PCGF3: variants seen among roughly 807,000 people sequenced by gnomAD.
PCGF3 encodes the protein polycomb group RING finger protein 3.
Under a neutral mutation model 33.1 loss-of-function variants are expected in PCGF3, and 7 were observed. That is an observed-to-expected ratio of 0.21 (90% CI 0.12 to 0.40). PCGF3 has a LOEUF of 0.40. PCGF3 is among the 10% of genes least tolerant of loss of function. The pLI is 1.00. For synonymous variants in PCGF3, 153 were observed against 121.3 expected (o/e 1.26, Z -1.72); for missense variants, 211 against 313.3 (o/e 0.67, Z 2.46).
At chr4:716,315 A>T (rs113568605) in intron 1 of PCGF3, among the ~76,000 whole-genome samples, 2 of 109,360 alleles carry the variant, frequency 1.8e-5, no homozygotes, top group African/African-American at 3.8e-5. Flanking sequence ...CGGTGCTGGG[A>T]CCCTGTGGAC....
At chr4:756,952 T>C (rs1257930127) in intron 8 of PCGF3, 2 of 152,212 alleles carry the variant, frequency 1.3e-5, no homozygotes, top group African/African-American at 4.8e-5. Flanking sequence ...TGTGCCATAA[T>C]AAAGCCTAAA....
intron 3 of PCGF3, among the ~76,000 whole-genome samples, chr4:733,379 C>T (rs546014681): frequency 1.3e-5 from 2 of 152,218 alleles, no homozygotes; most frequent in Non-Finnish European, 2.9e-5. Flanking sequence ...GCTTTATGGA[C>T]CCTCCTCAGT....
At chr4:730,879 C>G in intron 2 of PCGF3, 91 bp from the exon 3 acceptor site, 1 of 397,012 alleles carries the variant, frequency 2.5e-6, no homozygotes. Context: ...CTCGGTAGGG[C>G]TTGGTTGCAA....
chr4:739,794 T>C (rs545628087), intron 6 of PCGF3, among the ~76,000 whole-genome samples: 4 of 152,320 alleles, frequency 2.6e-5, no homozygotes, highest in Non-Finnish European at 5.9e-5. Flanking sequence ...CTCAGCACGC[T>C]CTTGTCCGGT....
chr4:717,976 G>A (rs1742926892), intron 1 of PCGF3, among the ~76,000 whole-genome samples: 1 of 152,210 alleles, frequency 6.6e-6, no homozygotes, highest in South Asian at 2.1e-4. Flanking sequence ...GAGGTCAGTG[G>A]GGCCTGGTGT....
At chr4:748,959 C>T (rs1744392645) in intron 8 of PCGF3, among the ~76,000 whole-genome samples, 1 of 152,048 alleles carries the variant, frequency 6.6e-6, no homozygotes, top group South Asian at 2.1e-4. Flanking sequence ...CTGCTGCTCC[C>T]CTTTACTCTG....
chr4:734,821 G>T (rs978227239), intron 4 of PCGF3, 110 bp from the exon 5 acceptor site: 2 of 1,476,178 alleles, frequency 1.4e-6, no homozygotes, highest in Non-Finnish European at 1.8e-6. Flanking sequence ...ACAGCAGTGA[G>T]CATCTGCACA....
In PCGF3 at chr4:753,741, A is replaced by T. The variant is rs574063200; in HGVS notation, c.463-7538A>T. Among the ~76,000 whole-genome samples, 204 of 152,192 alleles carry T rather than the reference A, an allele frequency of 1.3e-3. 1 individual carries two copies. Among genetic ancestry groups the T allele is most frequent in the Non-Finnish European group, 2.5e-3 (171 of 68,012 alleles). ...GGCGGGCAGATTGCCTAAGCTCAGGAGTGCGAGACCAGCCTGGGCAACAAG... is the reference window on the plus strand; with the variant it reads ...GGCGGGCAGATTGCCTAAGCTCAGGTGTGCGAGACCAGCCTGGGCAACAAG... On this transcript the variant is annotated intron_variant, in intron 8 of 10. Coordinates refer to ENST00000362003, the Ensembl canonical transcript of PCGF3.
chr4:717,581 T>C (rs1007023982), intron 1 of PCGF3, among the ~76,000 whole-genome samples: 1 of 152,180 alleles, frequency 6.6e-6, no homozygotes, highest in African/African-American at 2.4e-5. Context: ...GGTTTCACTG[T>C]ATTGGCCAAG....
intron 4 of PCGF3, chr4:734,104 C>T (rs555850948): frequency 3.9e-6 from 6 of 1,550,696 alleles, no homozygotes; most frequent in East Asian, 2.4e-5. Context: ...TCCAAATCTC[C>T]AGAGGAGTTC....
chr4:735,136 A>G, intron 5 of PCGF3, 109 bp downstream of exon 5: 3 of 1,271,594 alleles, frequency 2.4e-6, no homozygotes, highest in Non-Finnish European at 2.2e-6. Flanking sequence ...CTGCCTTGGC[A>G]GCAGCCTCTC....
At chr4:733,321 T>G (rs1000413032) in intron 3 of PCGF3, among the ~76,000 whole-genome samples, 1 of 152,204 alleles carries the variant, frequency 6.6e-6, no homozygotes, top group African/African-American at 2.4e-5. Context: ...CTCCTGCTCC[T>G]TCCGCTTTCA....
At chr4:764,711 G>A (rs1180713045) in intron 9 of PCGF3, 4 of 367,298 alleles carry the variant, frequency 1.1e-5, no homozygotes, top group African/African-American at 6.3e-5. Context: ...ACCCCCTGCA[G>A]AAACGTCATC....
chr4:740,060 G>A (rs1252771120), intron 6 of PCGF3, among the ~76,000 whole-genome samples: 1 of 152,226 alleles, frequency 6.6e-6, no homozygotes, highest in Non-Finnish European at 1.5e-5. Flanking sequence ...CTTGATGGAG[G>A]CTACTTGCAA....
intron 1 of PCGF3, among the ~76,000 whole-genome samples, chr4:717,324 C>T (rs547137799): frequency 2.7e-4 from 41 of 151,258 alleles, no homozygotes; most frequent in African/African-American, 1.0e-3. Flanking sequence ...GTGCTGGGAC[C>T]CTGTAGACAC....
At chr4:705,916 C>A (rs528512876) in exon 1 of PCGF3, 3 of 152,226 alleles carry the variant, frequency 2.0e-5, no homozygotes, top group Admixed American at 1.3e-4. Flanking sequence ...GCCCCCTCCC[C>A]CCTCCGGCGC....
exon 7 of PCGF3, chr4:743,549 G>T (rs1744186030): frequency 1.2e-6 from 2 of 1,612,524 alleles, no homozygotes; most frequent in African/African-American, 2.7e-5. Flanking sequence ...GGGGAGACCT[G>T]CTCTGCAAAA....
intron 8 of PCGF3, among the ~76,000 whole-genome samples, chr4:750,536 T>C (rs1465238584): frequency 6.6e-6 from 1 of 152,242 alleles, no homozygotes; most frequent in Non-Finnish European, 1.5e-5. Context: ...GACCTACCTC[T>C]GCCTCAGTTT....
chr4:765,265 C>CAGTA (rs1745299437), intron 10 of PCGF3, among the ~76,000 whole-genome samples: 1 of 152,194 alleles, frequency 6.6e-6, no homozygotes, highest in Admixed American at 6.5e-5. Flanking sequence ...AACCCAATCT[C>CAGTA]TACTAAAAAT....
Sources: gnomAD v4.1 joint callset for allele counts (sites outside exome capture counted in the v4.1 genomes callset) on GRCh38, gnomAD v4.1.1 for gene constraint, MANE v1.5 for transcripts, NCBI Gene and HGNC (gene_info 2026-07-23, HGNC 2026-07-21) for gene names.